CDS2: variants seen among roughly 807,000 people sequenced by gnomAD.
CDS2 encodes phosphatidate cytidylyltransferase 2.
Under a neutral mutation model 59.0 loss-of-function variants are expected in CDS2, and 47 were observed. The ratio of observed to expected loss-of-function variants is 0.80; its 90% confidence interval spans 0.63 to 1.02. The LOEUF is 1.02. Ranked by LOEUF, CDS2 falls within the 50% of genes least tolerant of loss-of-function variation. The probability of loss-of-function intolerance (pLI) is 0.00; values close to 1 mark genes in which losing one functional copy is unlikely to be tolerated. For synonymous variants in CDS2, 207 were observed against 206.4 expected, an observed-to-expected ratio of 1.00 and a Z score of -0.02; for missense variants, 356 against 558.9, an observed-to-expected ratio of 0.64 and a Z score of 3.66.
chr20:5,147,473 G>A (rs1425167607), intron 1 of CDS2, among the ~76,000 whole-genome samples: 1 of 152,196 alleles, frequency 6.6e-6, no homozygotes, highest in African/African-American at 2.4e-5. Flanking sequence ...AGGCCTTGCA[G>A]GTCCTTTGGT....
chr20:5,186,664 GTCTC>G lies in CDS2; in HGVS notation c.829-19_829-16del. 6.2e-7 allele frequency: 1 copy of G among 1,612,072 alleles called. No homozygotes were observed. Among genetic ancestry groups the G allele is most frequent in the Non-Finnish European group, 8.5e-7 (1 of 1,178,232 alleles). ...ATGGTTGGAACTTACTTCCTTGCCG[GTCTC>G]TCTGTTATTCCTCCTCAGCTGTCCT... On this transcript the variant is annotated intron_variant, in intron 9 of 12. Transcript: ENST00000460006.
chr20:5,178,668 AT>A, intron 4 of CDS2, 148 bp from the exon 5 acceptor site: 1 of 674,908 alleles, frequency 1.5e-6, no homozygotes, highest in Non-Finnish European at 2.6e-6. Flanking sequence ...GCAGGAAACC[AT>A]GGTCTGCCTG....
chr20:5,186,556 C>A, intron 9 of CDS2, 131 bp from the exon 10 acceptor site: 2 of 773,640 alleles, frequency 2.6e-6, no homozygotes, highest in Non-Finnish European at 4.3e-6. Flanking sequence ...AAAACATGAA[C>A]CTCTGAGCAC....
Position 5,166,997 on chromosome 20 carries a change from A to G in CDS2, c.58-6526A>G, listed in dbSNP as rs182234408. Among the ~76,000 whole-genome samples the G allele has an allele frequency of 4.0e-3, 603 of 152,182 alleles. 5 individuals are homozygous for G. Among genetic ancestry groups the G allele is most frequent in the African/African-American group, 0.014 (588 of 41,518 alleles). The stretch of plus-strand genomic sequence containing the variant: ...GTTGTAAGTAGGGCTGTGGTGAGGG[A>G]GAGAGATGAGAAGATGGAGAGGGCA... On this transcript the variant is annotated intron_variant, in intron 1 of 12. Coordinates refer to ENST00000460006, the MANE Select transcript of CDS2 (RefSeq NM_003818.4).
intron 1 of CDS2, among the ~76,000 whole-genome samples, chr20:5,164,107 C>T (rs2090896294): frequency 6.6e-6 from 1 of 152,082 alleles, no homozygotes; most frequent in East Asian, 1.9e-4. Flanking sequence ...TCTTCTATAA[C>T]TAATATGACA....
At position 5,192,731 on chromosome 20, in the gene CDS2, T is replaced by G. The variant is rs894245072; in HGVS notation, c.*2497T>G. 2 of 152,194 alleles carry G rather than the reference T, an allele frequency of 1.3e-5. No homozygotes were observed. Among genetic ancestry groups the G allele is most frequent in the Non-Finnish European group, 2.9e-5 (2 of 68,036 alleles). The allele number at this position is 152,194 out of a possible 1,614,324, so 9.4% of individuals were successfully genotyped here. On this transcript the variant is annotated 3_prime_UTR_variant, in exon 13 of 13. Coordinates refer to ENST00000460006, the MANE Select transcript of CDS2 (RefSeq NM_003818.4). Reference sequence around the variant, plus strand: ...GCATGGTTTTATGCTTCTCATTTGTTTATGTATTCATGAATACTGCATAGT... The same window carrying G: ...GCATGGTTTTATGCTTCTCATTTGTGTATGTATTCATGAATACTGCATAGT...
At chr20:5,189,999 T>C in intron 12 of CDS2, 103 bp from the exon 13 acceptor site, 3 of 1,484,752 alleles carry the variant, frequency 2.0e-6, no homozygotes, top group Non-Finnish European at 1.8e-6. Flanking sequence ...CATCTGTTAA[T>C]AGATAACTCT....
Position 5,173,592 on chromosome 20 carries a change from C to T in CDS2, c.127C>T (p.Pro43Ser). 1 of 1,614,146 alleles carries T rather than the reference C, an allele frequency of 6.2e-7. No individual in the cohort carries two copies. The highest frequency in any genetic ancestry group is 8.5e-7 in the Non-Finnish European group (1 of 1,179,958). Residue 43 changes from proline to serine, a missense_variant, in exon 2 of 13, where the codon CCC becomes TCC. Pro to Ser is a moderately conservative substitution (Grantham distance 74, BLOSUM62 -1). Coordinates refer to ENST00000460006, the MANE Select transcript of CDS2 (RefSeq NM_003818.4). ...CAGTGAGAGCCGGGCAGAATCCGCACCCCTGCCAGTCTCTGCAGATGATAC... is the reference window on the plus strand; with the variant it reads ...CAGTGAGAGCCGGGCAGAATCCGCATCCCTGCCAGTCTCTGCAGATGATAC... ...SDSESRAESA[P>S]LPVSADDTPE...
rs140103955 is a variant in CDS2, at chr20:5,175,279, C to T, written c.291C>T (p.Ile97=). The T allele has an allele frequency of 6.8e-5, 109 of 1,611,048 alleles. No homozygotes were observed. In the East Asian group the frequency reaches 1.2e-3, roughly 18 times the overall value. The change falls in exon 3 of 13, where the codon ATC becomes ATT. Residue 97 remains isoleucine (I), a splice_region_variant and synonymous_variant. Transcript: ENST00000460006. ...TGGGACCAATGGTTTTGATGATAAT[C>T]GTAAGTGCCATTTCACACTATTTTA... ...IYLGPMVLMI[I]VMCVQIKCFH...
chr20:5,154,788 C>T (rs925348729), intron 1 of CDS2, among the ~76,000 whole-genome samples: 5 of 152,184 alleles, frequency 3.3e-5, no homozygotes, highest in African/African-American at 1.2e-4. Flanking sequence ...GCTGGGACTA[C>T]GGGTGCGTGC....
At chr20:5,172,184 G>A (rs1032785697) in intron 1 of CDS2, among the ~76,000 whole-genome samples, 2 of 152,170 alleles carry the variant, frequency 1.3e-5, no homozygotes, top group African/African-American at 2.4e-5. Flanking sequence ...AGAACAAGAA[G>A]TTATGTTCTT....
chr20:5,196,313 G>A lies in CDS2; in HGVS notation c.*6079G>A, dbSNP rs2091157061. On this transcript the variant is annotated 3_prime_UTR_variant, in exon 13 of 13. Coordinates refer to ENST00000460006, the MANE Select transcript of CDS2 (RefSeq NM_003818.4). Reference sequence around the variant, plus strand: ...TGCCTGGTGCTTCCTCCCTCATTGTGTTGTTGAATAGACCTAGGCAGCCTT... The same window carrying A: ...TGCCTGGTGCTTCCTCCCTCATTGTATTGTTGAATAGACCTAGGCAGCCTT... 6.6e-6 allele frequency: 1 copy of A among 152,144 alleles called. No individual in the cohort carries two copies. Among genetic ancestry groups the A allele is most frequent in the Admixed American group, 6.5e-5 (1 of 15,270 alleles). The allele number at this position is 152,144 out of a possible 1,614,324, so 9.4% of individuals were successfully genotyped here.
At chr20:5,134,072 A>G (rs919923513) in intron 1 of CDS2, among the ~76,000 whole-genome samples, 12 of 152,168 alleles carry the variant, frequency 7.9e-5, no homozygotes, top group African/African-American at 2.9e-4. Context: ...TTTATAGAGA[A>G]AGTTGATTAG....
chr20:5,164,367 A>G (rs1019890191), intron 1 of CDS2, among the ~76,000 whole-genome samples: 2 of 152,036 alleles, frequency 1.3e-5, no homozygotes, highest in African/African-American at 2.4e-5. Context: ...ATGTCTACTT[A>G]TTTTGTCTAG....
chr20:5,165,902 T>G (rs768613426), intron 1 of CDS2, among the ~76,000 whole-genome samples: 2 of 152,180 alleles, frequency 1.3e-5, no homozygotes, highest in Non-Finnish European at 2.9e-5. Flanking sequence ...TACAACCTGT[T>G]CTAGAAACTG....
intron 4 of CDS2, 99 bp from the exon 5 acceptor site, chr20:5,178,718 G>C: frequency 8.2e-7 from 1 of 1,217,852 alleles, no homozygotes; most frequent in South Asian, 1.3e-5. Flanking sequence ...AAGGGTGGGG[G>C]GTATTCTGCT....
intron 1 of CDS2, among the ~76,000 whole-genome samples, chr20:5,147,682 G>C (rs1423482006): frequency 6.6e-6 from 1 of 151,984 alleles, no homozygotes; most frequent in Non-Finnish European, 1.5e-5. Flanking sequence ...GGAATTACAG[G>C]TGTGAGCCAC....
At chr20:5,183,932 C>T (rs1024260497) in intron 7 of CDS2, among the ~76,000 whole-genome samples, 59 of 152,204 alleles carry the variant, frequency 3.9e-4, no homozygotes, top group African/African-American at 1.3e-3. Flanking sequence ...CCAAGGTAGG[C>T]GGATCACGAG....
In CDS2 at chr20:5,134,303, G is replaced by A. The variant is rs1015442477; in HGVS notation, c.57+7154G>A. 2.6e-5 allele frequency among the ~76,000 whole-genome samples: 4 copies of A among 152,190 alleles called. No individual in the cohort carries two copies. In the East Asian group the frequency reaches 7.7e-4, roughly 29 times the overall value. On this transcript the variant is annotated intron_variant, in intron 1 of 12. Coordinates refer to ENST00000460006, the MANE Select transcript of CDS2 (RefSeq NM_003818.4). Reference sequence around the variant, plus strand: ...TGTTCTAGTAATAAGCAGTCATTCAGTATTCAACGCTTCTCTTTAGAACAT... The same window carrying A: ...TGTTCTAGTAATAAGCAGTCATTCAATATTCAACGCTTCTCTTTAGAACAT...
Sources: gnomAD v4.1 joint callset for allele counts (sites outside exome capture counted in the v4.1 genomes callset) on GRCh38, gnomAD v4.1.1 for gene constraint, MANE v1.5 for transcripts, NCBI Gene and HGNC (gene_info 2026-07-23, HGNC 2026-07-21) for gene names.